The following ADCY2 variants were observed in gnomAD, a reference collection of about 807,000 sequenced individuals.
The protein encoded by ADCY2 is adenylate cyclase 2.
A neutral mutation model predicts 125.2 loss-of-function variants in ADCY2; 31 were observed. The observed-to-expected ratio is 0.25, with a 90% CI of 0.19 to 0.33. The LOEUF is 0.33. ADCY2 is among the 10% of genes least tolerant of loss of function. ADCY2 has a pLI of 1.00. For missense variants in ADCY2, 904 were observed against 1,418.2 expected (o/e 0.64, Z 5.82); for synonymous variants, 512 against 548.4 (o/e 0.93, Z 0.93).
intron 3 of ADCY2, among the ~76,000 whole-genome samples, chr5:7,537,842 G>T (rs922470816): frequency 1.3e-5 from 2 of 152,142 alleles, no homozygotes; most frequent in African/African-American, 4.8e-5. Flanking sequence ...GCAGATGCTG[G>T]GCTCCTCACA....
chr5:7,524,099 A>G (rs1230057921), intron 3 of ADCY2, among the ~76,000 whole-genome samples: 2 of 152,196 alleles, frequency 1.3e-5, no homozygotes, highest in Non-Finnish European at 2.9e-5. Flanking sequence ...TTTGCCTTGA[A>G]GTAGAAGGCA....
intron 3 of ADCY2, among the ~76,000 whole-genome samples, chr5:7,525,035 C>G (rs979104779): frequency 3.3e-5 from 5 of 152,088 alleles, no homozygotes; most frequent in Non-Finnish European, 7.4e-5. Flanking sequence ...TGGAGTCTCG[C>G]TCTGTCACCC....
intron 24 of ADCY2, among the ~76,000 whole-genome samples, chr5:7,821,584 A>G (rs1745302999): frequency 6.6e-6 from 1 of 152,236 alleles, no homozygotes; most frequent in African/African-American, 2.4e-5. Flanking sequence ...TGAGCAAGTC[A>G]AACTCAACTT....
At chr5:7,592,617 TAGTA>T (rs1427322835) in intron 3 of ADCY2, among the ~76,000 whole-genome samples, 2 of 152,074 alleles carry the variant, frequency 1.3e-5, no homozygotes, top group Non-Finnish European at 1.5e-5. Context: ...ATAAGTAAAA[TAGTA>T]AGGAAGACCT....
At chr5:7,697,120 G>A (rs1740919431) in intron 6 of ADCY2, among the ~76,000 whole-genome samples, 1 of 151,948 alleles carries the variant, frequency 6.6e-6, no homozygotes, top group Non-Finnish European at 1.5e-5. Flanking sequence ...TAGAGGTTAA[G>A]GGCCCACCCA....
At chr5:7,816,453 C>T (rs1156608640) in intron 22 of ADCY2, among the ~76,000 whole-genome samples, 1 of 152,226 alleles carries the variant, frequency 6.6e-6, no homozygotes, top group Admixed American at 6.5e-5. Context: ...GGAGCGGGCA[C>T]CCCCTAGCGG....
At chr5:7,506,237 C>T (rs1473958320) in intron 2 of ADCY2, among the ~76,000 whole-genome samples, 1 of 151,860 alleles carries the variant, frequency 6.6e-6, no homozygotes, top group African/African-American at 2.4e-5. Context: ...TGGAAGAATG[C>T]CAAATATGAA....
intron 4 of ADCY2, among the ~76,000 whole-genome samples, chr5:7,669,714 G>T (rs1478116864): frequency 6.6e-6 from 1 of 152,182 alleles, no homozygotes; most frequent in Non-Finnish European, 1.5e-5. Context: ...CGTGCACAGG[G>T]TTTTCTTCCA....
At chr5:7,601,130 G>C (rs932983559) in intron 3 of ADCY2, among the ~76,000 whole-genome samples, 6 of 152,138 alleles carry the variant, frequency 3.9e-5, no homozygotes, top group African/African-American at 1.4e-4. Flanking sequence ...GACTGACTCA[G>C]TCCCGTCTTT....
intron 4 of ADCY2, among the ~76,000 whole-genome samples, chr5:7,681,434 G>A (rs1212650627): frequency 1.3e-5 from 2 of 152,178 alleles, no homozygotes; most frequent in Non-Finnish European, 2.9e-5. Context: ...CAAATATGCA[G>A]AGGTGTGGAC....
At chr5:7,496,937 C>T (rs1743365246) in intron 2 of ADCY2, among the ~76,000 whole-genome samples, 1 of 152,106 alleles carries the variant, frequency 6.6e-6, no homozygotes, top group South Asian at 2.1e-4. Flanking sequence ...CGTTTTAGGT[C>T]AGTTTTCTCA....
At chr5:7,479,612 A>G (rs1742652103) in intron 2 of ADCY2, among the ~76,000 whole-genome samples, 2 of 140,738 alleles carry the variant, frequency 1.4e-5, no homozygotes, top group Admixed American at 1.4e-4. Context: ...TCTTATAGTT[A>G]TTTTAAAATG....
intron 13 of ADCY2, 35 bp downstream of exon 13, chr5:7,724,649 G>A: frequency 1.4e-6 from 2 of 1,450,580 alleles, no homozygotes; most frequent in African/African-American, 1.4e-5. Context: ...CATCAATCGA[G>A]TTTTCTGAAA....
At chr5:7,644,749 C>A (rs1738838352) in intron 4 of ADCY2, among the ~76,000 whole-genome samples, 2 of 152,108 alleles carry the variant, frequency 1.3e-5, no homozygotes, top group Non-Finnish European at 2.9e-5. Context: ...GTCCCCCATA[C>A]AATTAATTGC....
chr5:7,453,849 C>T (rs1258111027), intron 2 of ADCY2, among the ~76,000 whole-genome samples: 1 of 152,082 alleles, frequency 6.6e-6, no homozygotes, highest in East Asian at 1.9e-4. Context: ...GGGCCATCTT[C>T]CCTTATCAGC....
intron 2 of ADCY2, among the ~76,000 whole-genome samples, chr5:7,415,626 G>A (rs1299020554): frequency 1.3e-5 from 2 of 152,142 alleles, no homozygotes; most frequent in Non-Finnish European, 2.9e-5. Flanking sequence ...ATGGTCACAA[G>A]CTATTGAAGG....
intron 23 of ADCY2, among the ~76,000 whole-genome samples, chr5:7,818,278 T>C (rs1236894800): frequency 6.6e-6 from 1 of 152,200 alleles, no homozygotes; most frequent in Non-Finnish European, 1.5e-5. Context: ...GTTACATCTC[T>C]TTCACAAATG....
chr5:7,819,209 A>G (rs984193930), intron 23 of ADCY2, among the ~76,000 whole-genome samples: 27 of 151,886 alleles, frequency 1.8e-4, no homozygotes. Flanking sequence ...TTCCCAATCC[A>G]CTCACTCAAA....
At chr5:7,562,144 T>C (rs1055659728) in intron 3 of ADCY2, among the ~76,000 whole-genome samples, 15 of 152,206 alleles carry the variant, frequency 9.9e-5, no homozygotes, top group African/African-American at 3.6e-4. Flanking sequence ...AAACTCTCAA[T>C]TTTAATATTT....
Sources: allele counts gnomAD v4.1 joint callset (sites outside exome capture counted in the v4.1 genomes callset), GRCh38; gene constraint gnomAD v4.1.1; transcripts MANE v1.5; gene names NCBI Gene and HGNC (gene_info 2026-07-23, HGNC 2026-07-21).